The following CEP112 variants were observed in gnomAD, a reference collection of about 807,000 sequenced individuals.
CEP112 encodes centrosomal protein 112.
Under a neutral mutation model 153.0 loss-of-function variants are expected in CEP112, and 127 were observed. The observed-to-expected ratio is 0.83, with a 90% CI of 0.72 to 0.96. The LOEUF (loss-of-function observed/expected upper bound fraction) is 0.96, where lower values mean the gene tolerates loss of function less well. Ranked by LOEUF, CEP112 falls within the 40% of genes least tolerant of loss-of-function variation. The pLI is 0.00. For missense variants in CEP112, 1,089 were observed against 1,101.2 expected (o/e 0.99, Z 0.16); for synonymous variants, 358 against 374.4 (o/e 0.96, Z 0.51).
intron 6 of CEP112, among the ~76,000 whole-genome samples, chr17:66,113,121 A>G (rs2069132834): frequency 6.6e-6 from 1 of 152,188 alleles, no homozygotes. Flanking sequence ...CCAGTGCCAT[A>G]TACACACTGC....
chr17:66,163,165 T>C (rs1392755263), intron 4 of CEP112, among the ~76,000 whole-genome samples: 1 of 152,168 alleles, frequency 6.6e-6, no homozygotes, highest in African/African-American at 2.4e-5. Flanking sequence ...ATACTATTTA[T>C]TGGCTAGGTT....
intron 21 of CEP112, among the ~76,000 whole-genome samples, chr17:65,784,878 T>A (rs1045308855): frequency 6.6e-6 from 1 of 152,192 alleles, no homozygotes; most frequent in African/African-American, 2.4e-5. Context: ...AGTATATTCA[T>A]AGATCTGTAC....
chr17:65,670,668 C>T (rs1204614126), intron 24 of CEP112, among the ~76,000 whole-genome samples: 2 of 152,178 alleles, frequency 1.3e-5, no homozygotes, highest in East Asian at 3.8e-4. Context: ...TTAATTTTCA[C>T]ATATGCTACA....
At chr17:65,727,134 G>A (rs548729533) in intron 23 of CEP112, among the ~76,000 whole-genome samples, 1 of 152,296 alleles carries the variant, frequency 6.6e-6, no homozygotes, top group Admixed American at 6.5e-5. Flanking sequence ...TGGTTTCCCT[G>A]TATCTTCATC....
intron 23 of CEP112, among the ~76,000 whole-genome samples, chr17:65,738,659 A>T (rs1434681739): frequency 6.6e-6 from 1 of 152,214 alleles, no homozygotes; most frequent in Non-Finnish European, 1.5e-5. Context: ...AATTATTTAT[A>T]AATGAGCATA....
At chr17:65,938,018 C>T (rs375256852) in intron 18 of CEP112, among the ~76,000 whole-genome samples, 1 of 118,320 alleles carries the variant, frequency 8.5e-6, no homozygotes, top group Non-Finnish European at 1.8e-5. Context: ...GGATGGTTGC[C>T]GTGTCTGTGT....
intron 19 of CEP112, among the ~76,000 whole-genome samples, chr17:65,926,564 T>G (rs898517426): frequency 4.6e-5 from 7 of 151,894 alleles, no homozygotes; most frequent in East Asian, 1.9e-4. Flanking sequence ...ATTACAAAAT[T>G]TAGCCGGACG....
intron 24 of CEP112, among the ~76,000 whole-genome samples, chr17:65,666,486 T>C (rs1224343155): frequency 6.6e-6 from 1 of 152,206 alleles, no homozygotes; most frequent in East Asian, 1.9e-4. Context: ...TGGTAATACT[T>C]AGGGAGCACC....
At chr17:65,689,311 C>CTCTAGTTTATTACTCTTGT (rs2047979644) in intron 23 of CEP112, 93 bp from the exon 24 acceptor site, 5 of 813,658 alleles carry the variant, frequency 6.1e-6, no homozygotes, top group Non-Finnish European at 1.0e-5. Context: ...GGCCTCAGAT[C>CTCTAGTTTATTACTCTTGT]TCTAGTTTAT....
intron 17 of CEP112, among the ~76,000 whole-genome samples, chr17:66,001,226 T>C (rs2064033274): frequency 6.6e-6 from 1 of 152,236 alleles, no homozygotes; most frequent in Non-Finnish European, 1.5e-5. Flanking sequence ...TGAGCTTTTT[T>C]TCATATGATG....
intron 26 of CEP112, among the ~76,000 whole-genome samples, chr17:65,636,327 C>T (rs1347782030): frequency 6.6e-6 from 1 of 152,096 alleles, no homozygotes; most frequent in African/African-American, 2.4e-5. Flanking sequence ...TCATGCATCC[C>T]CAAAAAGAGC....
rs559249370 is a variant in CEP112 at position 65,764,592 on chromosome 17, CT to C, written c.2395-13869del. Among the ~76,000 whole-genome samples, 561 of 139,546 alleles carry C rather than the reference CT, an allele frequency of 4.0e-3. 2 individuals are homozygous for C. The highest frequency in any genetic ancestry group is 0.012 in the African/African-American group (455 of 38,296). 91.5% of individuals were successfully genotyped at this position (139,546 alleles called of 152,430 possible). The stretch of plus-strand genomic sequence containing the variant: ...ATCTAAATATGGCCACTTCTGTTCT[CT>C]TTTTTTTTTTACCATTTGTGTGCAA... On this transcript the variant is annotated intron_variant, in intron 21 of 26. Transcript: ENST00000535342.
Position 65,798,682 on chromosome 17 carries a change from C to A in CEP112, c.2395-47958G>T, listed in dbSNP as rs28478155. 2.8e-3 allele frequency among the ~76,000 whole-genome samples: 429 copies of A among 152,290 alleles called. 1 individual carries two copies. Among genetic ancestry groups the A allele is most frequent in the African/African-American group, 1.0e-2 (414 of 41,554 alleles). On this transcript the variant is annotated intron_variant, in intron 21 of 26. Coordinates refer to ENST00000535342, the MANE Select transcript of CEP112 (RefSeq NM_001199165.4). ...AAGCACTGATCTCCAGTACTATAAT[C>A]GCAGAACAGAATTTGGAAAAATCCG...
intron 24 of CEP112, among the ~76,000 whole-genome samples, chr17:65,648,096 G>A (rs904807983): frequency 2.0e-5 from 3 of 152,032 alleles, no homozygotes; most frequent in Admixed American, 6.5e-5. Context: ...TATTAAACAC[G>A]AAGGTATTCA....
At chr17:65,650,780 G>A (rs1451475671) in intron 24 of CEP112, among the ~76,000 whole-genome samples, 1 of 150,980 alleles carries the variant, frequency 6.6e-6, no homozygotes, top group Non-Finnish European at 1.5e-5. Context: ...GGTGGTGAGT[G>A]CCTGTAGTCC....
chr17:65,842,604 T>C (rs925859660), intron 21 of CEP112, among the ~76,000 whole-genome samples: 1 of 152,164 alleles, frequency 6.6e-6, no homozygotes, highest in African/African-American at 2.4e-5. Flanking sequence ...CAAGCATTAA[T>C]GATGATAGGT....
At chr17:65,654,918 C>T (rs141770340) in intron 24 of CEP112, 14 of 586,676 alleles carry the variant, frequency 2.4e-5, no homozygotes, top group Non-Finnish European at 4.6e-5. Context: ...AGAAGAGGAA[C>T]TCGGACAGCG....
At chr17:65,707,446 A>G (rs1199527097) in intron 23 of CEP112, among the ~76,000 whole-genome samples, 2 of 152,048 alleles carry the variant, frequency 1.3e-5, no homozygotes, top group Non-Finnish European at 2.9e-5. Context: ...CTGTCCATTC[A>G]TCTCTCTTAC....
chr17:65,644,358 C>G (rs2045316299), intron 24 of CEP112: 1 of 562,984 alleles, frequency 1.8e-6, no homozygotes, highest in Non-Finnish European at 3.2e-6. Context: ...AGAAGCCGGA[C>G]AAGTTCAAGT....
Sources: gnomAD v4.1 joint callset for allele counts (sites outside exome capture counted in the v4.1 genomes callset) on GRCh38, gnomAD v4.1.1 for gene constraint, MANE v1.5 for transcripts, NCBI Gene and HGNC (gene_info 2026-07-23, HGNC 2026-07-21) for gene names.